PHF12: variants seen among roughly 807,000 people sequenced by gnomAD.
PHF12 encodes the protein PHD finger protein 12, also known as PHD factor 1.
PHF12 carries 6 observed loss-of-function variants against 99.8 expected under a neutral mutation model. That is an observed-to-expected ratio of 0.06 (90% CI 0.03 to 0.12). The LOEUF (loss-of-function observed/expected upper bound fraction) is 0.12, where lower values mean the gene tolerates loss of function less well. Among genes scored for constraint, PHF12 ranks in the 10% least tolerant of loss-of-function variants. The probability of loss-of-function intolerance (pLI) is 1.00; values close to 1 mark genes in which losing one functional copy is unlikely to be tolerated. For synonymous variants in PHF12, 480 were observed against 514.9 expected (o/e 0.93, Z 0.92); for missense variants, 954 against 1,300.1 (o/e 0.73, Z 4.09).
chr17:28,910,000 TGAAA>T, intron 11 of PHF12: 2 of 695,412 alleles, frequency 2.9e-6, no homozygotes, highest in Non-Finnish European at 5.1e-6. Flanking sequence ...GACTTATATA[TGAAA>T]GAAAGTTACA....
In PHF12 at chr17:28,951,303, T is replaced by G; in HGVS notation, c.-343A>C. ...TCCGGCCGGGAAGGCTGGCGGGCGC[T>G]GCCATCCCGGGGCTGGGGGTATCGG... On this transcript the variant is annotated 5_prime_UTR_variant, in exon 1 of 15. Coordinates refer to ENST00000332830, the MANE Select transcript of PHF12 (RefSeq NM_001033561.2). 1 of 1,096,658 alleles carries G rather than the reference T, an allele frequency of 9.1e-7. No individual in the cohort carries two copies. The highest frequency in any genetic ancestry group is 1.1e-6 in the Non-Finnish European group (1 of 898,548). 67.9% of individuals were successfully genotyped at this position (1,096,658 alleles called of 1,614,324 possible).
chr17:28,931,016 G>A (rs1313539043), intron 2 of PHF12, among the ~76,000 whole-genome samples: 3 of 152,204 alleles, frequency 2.0e-5, no homozygotes, highest in South Asian at 2.1e-4. Flanking sequence ...AGCCGTGATC[G>A]TGCCACTGCA....
intron 10 of PHF12, chr17:28,910,570 C>T: frequency 1.6e-6 from 1 of 630,556 alleles, no homozygotes; most frequent in South Asian, 2.0e-5. Context: ...GGCCCCAATG[C>T]AGCCTGTGCA....
intron 2 of PHF12, among the ~76,000 whole-genome samples, chr17:28,945,850 C>A (rs917240389): frequency 3.3e-5 from 5 of 152,108 alleles, no homozygotes; most frequent in Non-Finnish European, 5.9e-5. Flanking sequence ...ATATCTCCCT[C>A]CATGGCCGGG....
chr17:28,906,157 G>C lies in PHF12; in HGVS notation c.*26C>G. ...TGCAGGAGTCTTGGGTGGGTGTACA[G>C]GCCAGTGGCGGGGTAGCCGCCAGTC... On this transcript the variant is annotated 3_prime_UTR_variant, in exon 15 of 15. Coordinates refer to ENST00000332830, the MANE Select transcript of PHF12 (RefSeq NM_001033561.2). The surrounding 1 kb of genome is among the most constrained non-coding windows in gnomAD (Gnocchi z 4.2). 7.0e-6 allele frequency: 11 copies of C among 1,566,950 alleles called. No homozygotes were observed. Among genetic ancestry groups the C allele is most frequent in the Non-Finnish European group, 9.6e-6 (11 of 1,149,722 alleles).
At chr17:28,941,909 C>T (rs910325845) in intron 2 of PHF12, among the ~76,000 whole-genome samples, 2 of 152,100 alleles carry the variant, frequency 1.3e-5, no homozygotes, top group Admixed American at 6.6e-5. Context: ...CCTCAGCCAA[C>T]ATCTTCTTTC....
intron 7 of PHF12, among the ~76,000 whole-genome samples, chr17:28,916,420 T>A (rs1014168971): frequency 1.3e-5 from 2 of 152,208 alleles, no homozygotes; most frequent in African/African-American, 4.8e-5. Flanking sequence ...GGTCTCAAAC[T>A]CCTGACCTCA....
chr17:28,949,938 C>T lies in PHF12; in HGVS notation c.248+127G>A, dbSNP rs1213264884. ...CCTGGGGGCGGGGAGGTGCTCGCCCCGGCAGCTGCAGAAAGTCAGCTAGCG... is the reference window on the plus strand; with the variant it reads ...CCTGGGGGCGGGGAGGTGCTCGCCCTGGCAGCTGCAGAAAGTCAGCTAGCG... On this transcript the variant is annotated intron_variant, in intron 2 of 14. Transcript: ENST00000332830. This position sits in a 1 kb window ranked among gnomAD's most constrained non-coding sequence, Gnocchi z 4.6. 8 of 1,137,414 alleles carry T rather than the reference C, an allele frequency of 7.0e-6. No individual in the cohort carries two copies. The highest frequency in any genetic ancestry group is 9.8e-6 in the Non-Finnish European group (8 of 814,890). 70.5% of individuals were successfully genotyped at this position (1,137,414 alleles called of 1,614,324 possible). A position where few individuals can be genotyped will look rare whatever the true frequency, so the allele number is the denominator to read the frequency against.
At chr17:28,913,735 C>T in intron 8 of PHF12, 144 bp downstream of exon 8, 1 of 1,199,850 alleles carries the variant, frequency 8.3e-7, no homozygotes, top group Non-Finnish European at 1.1e-6. Flanking sequence ...CCAGAAGTTC[C>T]CCCTGGAATA....
chr17:28,919,028 G>C, intron 6 of PHF12, 115 bp downstream of exon 6: 1 of 1,336,610 alleles, frequency 7.5e-7, no homozygotes, highest in Non-Finnish European at 1.0e-6. Context: ...GCAGAAACCA[G>C]TACCTATGAC....
intron 9 of PHF12, chr17:28,912,038 T>C (rs2039970042): frequency 2.1e-6 from 2 of 951,286 alleles, no homozygotes; most frequent in Non-Finnish European, 1.3e-6. Context: ...TAACTCTTTC[T>C]GAGAATATGC....
chr17:28,909,590 T>C (rs2039925147), intron 11 of PHF12: 1 of 153,122 alleles, frequency 6.5e-6, no homozygotes, highest in Non-Finnish European at 1.5e-5. Flanking sequence ...TTTTATTTAT[T>C]TATTTACTTA....
chr17:28,951,334 G>C lies in PHF12; in HGVS notation c.-374C>G. 1 of 1,051,260 alleles carries C rather than the reference G, an allele frequency of 9.5e-7. No individual in the cohort carries two copies. The highest frequency in any genetic ancestry group is 1.2e-6 in the Non-Finnish European group (1 of 868,864). 65.1% of individuals were successfully genotyped at this position (1,051,260 alleles called of 1,614,324 possible). A position where few individuals can be genotyped will look rare whatever the true frequency, so the allele number is the denominator to read the frequency against. On this transcript the variant is annotated 5_prime_UTR_variant, in exon 1 of 15. Transcript: ENST00000332830. ...CCCGGGGCTGGGGGTATCGGAGGGG[G>C]GGTGAGAGGTTACGTGAGGTTGTGG...
rs1483462705 is a variant in PHF12, at chr17:28,950,135, C to A, written c.178G>T (p.Asp60Tyr). The A allele has an allele frequency of 6.2e-7, 1 of 1,614,012 alleles. No individual in the cohort carries two copies. Among genetic ancestry groups the A allele is most frequent in the Non-Finnish European group, 8.5e-7 (1 of 1,180,020 alleles). ...SGRATNHDSC[D>Y]SCKEGGDLLC... ...AGATCTCCACCTTCCTTGCAGCTAT[C>A]GCAGCTGTCGTGGTTGGTGGCCCTG... The change falls in exon 2 of 15, where the codon GAT becomes TAT. Residue 60 changes from aspartate (D) to tyrosine (Y), a missense_variant. By Grantham distance (160) the Asp-to-Tyr change is radical. Coordinates refer to ENST00000332830, the MANE Select transcript of PHF12 (RefSeq NM_001033561.2). The surrounding 1 kb of genome is among the most constrained non-coding windows in gnomAD (Gnocchi z 5.7).
chr17:28,927,140 G>T, intron 2 of PHF12, 77 bp from the exon 3 acceptor site: 1 of 1,339,506 alleles, frequency 7.5e-7, no homozygotes, highest in Non-Finnish European at 1.1e-6. Flanking sequence ...AGGTTTGCAT[G>T]TTCCTAAACT....
chr17:28,945,102 A>G (rs2040698234), intron 2 of PHF12: 2 of 152,282 alleles, frequency 1.3e-5, no homozygotes, highest in South Asian at 4.2e-4. Flanking sequence ...CTACAAAAAC[A>G]TTTAAAAAAT....
At chr17:28,930,937 C>T (rs116490882) in intron 2 of PHF12, among the ~76,000 whole-genome samples, 2,067 of 152,172 alleles carry the variant, frequency 0.014, 46 homozygotes, top group African/African-American at 0.046. Flanking sequence ...CCAGGTGAGG[C>T]GGCATGAGCC....
chr17:28,951,040 G>C lies in PHF12; in HGVS notation c.-80C>G. On this transcript the variant is annotated 5_prime_UTR_variant, in exon 1 of 15. Transcript: ENST00000332830. ...GAGGGGGGAGGTGAGGGGAGGGGGC[G>C]CTCCTGACCCCGGCCCCGCTTTTTT... The C allele has an allele frequency of 6.3e-7, 1 of 1,599,190 alleles. No homozygotes were observed. The highest frequency in any genetic ancestry group is 2.2e-5 in the East Asian group (1 of 44,478).
At chr17:28,910,143 A>G (rs1257566670) in intron 11 of PHF12, 83 bp downstream of exon 11, 1 of 1,588,144 alleles carries the variant, frequency 6.3e-7, no homozygotes, top group Admixed American at 1.7e-5. Flanking sequence ...CTGGAAGCTC[A>G]GATTCTCCAT....
Sources: gnomAD v4.1 joint callset for allele counts (sites outside exome capture counted in the v4.1 genomes callset) on GRCh38, gnomAD v4.1.1 for gene constraint, Gnocchi (gnomAD v3.1) non-coding constraint, MANE v1.5 for transcripts, NCBI Gene and HGNC (gene_info 2026-07-23, HGNC 2026-07-21) for gene names.